The following CFAP65 variants were observed in gnomAD, a reference collection of about 807,000 sequenced individuals.
CFAP65 encodes cilia and flagella associated protein 65.
CFAP65 carries 155 observed loss-of-function variants against 208.0 expected under a neutral mutation model. The ratio of observed to expected loss-of-function variants is 0.75; its 90% CI spans 0.65 to 0.85. CFAP65 has a LOEUF of 0.85. CFAP65 is among the 40% of genes least tolerant of loss of function. The probability of loss-of-function intolerance (pLI) is 0.00; values close to 1 mark genes in which losing one functional copy is unlikely to be tolerated. For missense variants in CFAP65, 2,294 were observed against 2,451.3 expected (o/e 0.94, Z 1.36); for synonymous variants, 970 against 986.3 (o/e 0.98, Z 0.31).
intron 4 of CFAP65, among the ~76,000 whole-genome samples, chr2:219,038,058 C>T (rs1948465720): frequency 6.6e-6 from 1 of 152,222 alleles, no homozygotes; most frequent in African/African-American, 2.4e-5. Context: ...CCCACGGCCT[C>T]TCAGGCACTC....
At chr2:219,013,691 G>T in intron 22 of CFAP65, 106 bp from the exon 23 acceptor site, 1 of 1,234,938 alleles carries the variant, frequency 8.1e-7, no homozygotes, top group Non-Finnish European at 1.2e-6. Flanking sequence ...CAGCCCCTGG[G>T]AGCAACTCGC....
intron 16 of CFAP65, 150 bp downstream of exon 16, chr2:219,023,056 GA>G: frequency 1.5e-6 from 1 of 674,366 alleles, no homozygotes; most frequent in Non-Finnish European, 2.6e-6. Context: ...GGGGGATGGT[GA>G]GGGTAATAAT....
At chr2:219,027,006 G>T in intron 13 of CFAP65, 1 of 993,028 alleles carries the variant, frequency 1.0e-6, no homozygotes, top group South Asian at 4.6e-5. Context: ...CACATAGCTG[G>T]TAAGTGACCC....
Position 219,010,647 on chromosome 2 carries a change from C to T in CFAP65, c.4207G>A (p.Val1403Met), listed in dbSNP as rs1219444402. The T allele has an allele frequency of 1.9e-6, 3 of 1,611,158 alleles. No homozygotes were observed. Among genetic ancestry groups the T allele is most frequent in the African/African-American group, 1.3e-5 (1 of 74,824 alleles). Residue 1403 changes from valine to methionine, a missense_variant, in exon 26 of 35, where the codon GTG becomes ATG. Transcript: ENST00000341552. ...CCCATCATATGGGGGTTGTAGCCCA[C>T]TCCCTGGAAGTGGATGAGGGCCGAG... is the stretch of plus-strand genomic sequence containing the variant. The part of the protein sequence containing the change: ...WNSALIHFQG[V>M]GYNPHMMGDT...
chr2:219,011,059 G>T, intron 24 of CFAP65, 63 bp from the exon 25 acceptor site: 1 of 1,482,156 alleles, frequency 6.7e-7, no homozygotes. Flanking sequence ...AGAAAGCCTG[G>T]GATGCTGTGC....
chr2:219,013,517 A>G lies in CFAP65; in HGVS notation c.3846+2T>C. ...GGCAGGGCCAGTGTGCTGGGGCCTC[A>G]CCAGGATCTCCCGGCCATGGGACAC... is the stretch of plus-strand genomic sequence containing the variant. On this transcript the variant is annotated splice_donor_variant, in intron 23 of 34. Coordinates refer to ENST00000341552, the MANE Select transcript of CFAP65 (RefSeq NM_194302.4). LOFTEE classifies it high-confidence loss of function. The G allele has an allele frequency of 6.3e-7, 1 of 1,596,636 alleles. No individual in the cohort carries two copies. The highest frequency in any genetic ancestry group is 1.1e-5 in the South Asian group (1 of 87,448).
At chr2:219,036,444 C>CT (rs768149167) in intron 4 of CFAP65, among the ~76,000 whole-genome samples, 294 of 142,448 alleles carry the variant, frequency 2.1e-3, no homozygotes, top group Middle Eastern at 7.4e-3. Context: ...GGCATTTTAT[C>CT]TTTTTTTTTT....
At chr2:219,013,655 T>A in intron 22 of CFAP65, 70 bp from the exon 23 acceptor site, 1 of 1,427,018 alleles carries the variant, frequency 7.0e-7, no homozygotes, top group Non-Finnish European at 9.7e-7. Context: ...CAAATGGACA[T>A]GACATTTCTG....
rs1417615260 is a variant in CFAP65 at position 219,009,117 on chromosome 2, T to A, written c.4604A>T (p.Glu1535Val). ...SQQLMRQYHK[E>V]LQEWKDEKVR... Reference sequence around the variant, plus strand: ...CTTCTCGTCCTTCCACTCCTGCAGCTCCTTGTGATACTGCCTCATGAGCTG... The same window carrying A: ...CTTCTCGTCCTTCCACTCCTGCAGCACCTTGTGATACTGCCTCATGAGCTG... Residue 1535 changes from glutamate (E) to valine (V), a missense_variant, in exon 29 of 35, where the codon GAG (glutamate) becomes GTG (valine). Coordinates refer to ENST00000341552, the MANE Select transcript of CFAP65 (RefSeq NM_194302.4). The A allele has an allele frequency of 3.1e-6, 5 of 1,612,768 alleles. No homozygotes were observed. The highest frequency in any genetic ancestry group is 1.3e-5 in the African/African-American group (1 of 74,914).
intron 21 of CFAP65, among the ~76,000 whole-genome samples, chr2:219,016,577 G>A (rs962178616): frequency 6.6e-6 from 1 of 151,982 alleles, no homozygotes; most frequent in African/African-American, 2.4e-5. Flanking sequence ...TTACAGGCGT[G>A]AGCCACCAGG....
At chr2:219,038,332 GC>G (rs1948482114) in intron 4 of CFAP65, 42 bp downstream of exon 4, 1 of 1,586,320 alleles carries the variant, frequency 6.3e-7, no homozygotes, top group Non-Finnish European at 8.6e-7. Context: ...CCCCGCCCTG[GC>G]CCTGCCACAC....
In CFAP65 at chr2:219,011,620, A is replaced by G. The variant is rs117226609; in HGVS notation, c.3958-624T>C. ...TTAAAGGCAAGTAAGGGGGCGGAAAAGTCTGAGGGACTAAAGACCAACTCC... is the reference window on the plus strand; with the variant it reads ...TTAAAGGCAAGTAAGGGGGCGGAAAGGTCTGAGGGACTAAAGACCAACTCC... On this transcript the variant is annotated intron_variant, in intron 24 of 34. Transcript: ENST00000341552. Among the ~76,000 whole-genome samples, 10 of 152,238 alleles carry G rather than the reference A, an allele frequency of 6.6e-5. No individual in the cohort carries two copies. In the East Asian group the frequency reaches 1.9e-3, roughly 29 times the overall value.
At chr2:219,012,727 G>A (rs1027026018) in intron 24 of CFAP65, among the ~76,000 whole-genome samples, 2 of 152,346 alleles carry the variant, frequency 1.3e-5, no homozygotes, top group Admixed American at 6.5e-5. Context: ...TCACATTCCA[G>A]AAGGACATCC....
intron 29 of CFAP65, among the ~76,000 whole-genome samples, chr2:219,007,528 C>A (rs190486521): frequency 6.6e-6 from 1 of 152,198 alleles, no homozygotes; most frequent in Non-Finnish European, 1.5e-5. Flanking sequence ...CAGAGGGGAG[C>A]AGTGAGTCTC....
rs1948312076 is a variant in CFAP65, at chr2:219,035,631, G to A, written c.391C>T (p.Pro131Ser). ...ASSMDTQMHS[P>S]KKQERVNKRV... is the part of the protein sequence containing the mutation. Reference sequence around the variant, plus strand: ...TTGTTCACTCTCTCCTGCTTCTTTGGGGAGTGCATCTGAGTGTCCATGGAG... The same window carrying A: ...TTGTTCACTCTCTCCTGCTTCTTTGAGGAGTGCATCTGAGTGTCCATGGAG... The change falls in exon 5 of 35, where the codon CCA (proline) becomes TCA (serine). Residue 131 changes from proline to serine, a missense_variant. Coordinates refer to ENST00000341552, the MANE Select transcript of CFAP65 (RefSeq NM_194302.4). The A allele has an allele frequency of 1.2e-6, 2 of 1,613,872 alleles. No individual in the cohort carries two copies. Among genetic ancestry groups the A allele is most frequent in the Admixed American group, 3.3e-5 (2 of 59,986 alleles).
rs771197427 is a variant in CFAP65 at position 219,028,224 on chromosome 2, C to T, written c.1828G>A (p.Gly610Arg). The part of the protein sequence containing the change: ...KEKKLAQDQN[G>R]ALMIPIQDLE... ...ACCTGGATGGGAATCATGAGAGCCC[C>T]GTTCTGGTCCTGTGCCAGCTTCTTC... The change falls in exon 12 of 35, where the codon GGG becomes AGG. Residue 610 changes from glycine to arginine, a missense_variant. Around this residue, in one of 2 missense-constraint regions of CFAP65, gnomAD observed 867 missense variants for 1,012.6 expected, o/e 0.86. Transcript: ENST00000341552. The T allele has an allele frequency of 2.0e-5, 32 of 1,613,916 alleles. No individual in the cohort carries two copies. The highest frequency in any genetic ancestry group is 2.5e-5 in the Non-Finnish European group (30 of 1,179,966).
chr2:219,028,304 A>G lies in CFAP65; in HGVS notation c.1748T>C (p.Leu583Pro). 1 of 1,614,104 alleles carries G rather than the reference A, an allele frequency of 6.2e-7. No individual in the cohort carries two copies. Among genetic ancestry groups the G allele is most frequent in the Non-Finnish European group, 8.5e-7 (1 of 1,180,006 alleles). The change falls in exon 12 of 35, where the codon CTG (leucine) becomes CCG (proline). Residue 583 changes from leucine to proline, a missense_variant. Leu to Pro is a moderately conservative substitution (Grantham distance 98, BLOSUM62 -3). Transcript: ENST00000341552. ...GGGGTAGAGCGTCAGGCCCCGGGCC[A>G]GGTGTGTGCGGTACCAGGTGAGGTG... ...PQHLTWYRTHLARGLTLYPPD... is the reference protein window; with the variant it reads ...PQHLTWYRTHPARGLTLYPPD...
At chr2:219,026,973 A>T (rs2106204575) in intron 13 of CFAP65, 1 of 988,700 alleles carries the variant, frequency 1.0e-6, no homozygotes, top group African/African-American at 1.7e-5. Context: ...GGACTCAGAG[A>T]CATTAAGGAA....
At chr2:219,029,914 G>A in intron 10 of CFAP65, 72 bp downstream of exon 10, 3 of 1,457,692 alleles carry the variant, frequency 2.1e-6, no homozygotes, top group Non-Finnish European at 2.8e-6. Flanking sequence ...CTAGGAGCAG[G>A]GAAGGAGCTC....
Sources: gnomAD v4.1 joint callset for allele counts (sites outside exome capture counted in the v4.1 genomes callset) on GRCh38, gnomAD v4.1.1 for gene constraint, gnomAD v4.1.1 regional missense constraint, MANE v1.5 for transcripts, NCBI Gene and HGNC (gene_info 2026-07-23, HGNC 2026-07-21) for gene names.